Variants in CACNA2D1 observed in about 807,000 individuals in gnomAD.
The protein encoded by CACNA2D1 is calcium voltage-gated channel auxiliary subunit alpha2delta 1.
In CACNA2D1, 53 loss-of-function variants were observed where a neutral mutation model predicts 171.5. That is an observed-to-expected ratio of 0.31 (90% CI 0.25 to 0.39). CACNA2D1 has a LOEUF of 0.39. Among genes scored for constraint, CACNA2D1 ranks in the 10% least tolerant of loss-of-function variants. CACNA2D1 has a pLI of 1.00. For missense variants in CACNA2D1, 903 were observed against 1,299.8 expected, an observed-to-expected ratio of 0.69 and a Z score of 4.69; for synonymous variants, 442 against 443.1, an observed-to-expected ratio of 1.00 and a Z score of 0.03.
intron 12 of CACNA2D1, among the ~76,000 whole-genome samples, chr7:82,024,752 T>C (rs1434743536): frequency 6.6e-6 from 1 of 151,742 alleles, no homozygotes; most frequent in Non-Finnish European, 1.5e-5. Context: ...CTCCCTGTTC[T>C]CTTTCAGGAG....
chr7:82,067,199 T>G (rs1056000240), intron 7 of CACNA2D1, among the ~76,000 whole-genome samples: 10 of 152,208 alleles, frequency 6.6e-5, no homozygotes, highest in African/African-American at 2.2e-4. Context: ...CTAATTAAAT[T>G]GATACTTACT....
chr7:81,978,770 T>C (rs185462020), intron 24 of CACNA2D1, among the ~76,000 whole-genome samples: 57 of 144,014 alleles, frequency 4.0e-4, no homozygotes, highest in Middle Eastern at 3.5e-3. Context: ...TATATATATA[T>C]ACACACACAC....
At chr7:82,126,770 A>G (rs997635218) in intron 5 of CACNA2D1, among the ~76,000 whole-genome samples, 1 of 152,172 alleles carries the variant, frequency 6.6e-6, no homozygotes, top group East Asian at 1.9e-4. Context: ...TTTCCTGCAT[A>G]TAGCTACATT....
chr7:82,237,453 C>T (rs1296932510), intron 3 of CACNA2D1, among the ~76,000 whole-genome samples: 2 of 151,842 alleles, frequency 1.3e-5, no homozygotes, highest in Admixed American at 6.6e-5. Flanking sequence ...TTCCTACCTC[C>T]AATCTTCTGT....
intron 24 of CACNA2D1, among the ~76,000 whole-genome samples, chr7:81,980,475 G>C (rs1796338152): frequency 6.6e-6 from 1 of 152,064 alleles, no homozygotes; most frequent in Non-Finnish European, 1.5e-5. Flanking sequence ...AGAGTGTGGG[G>C]GACCACACTG....
chr7:81,951,972 T>TTTTTTTTTTTTTTTTGTTTTG (rs1792607166), intron 38 of CACNA2D1, among the ~76,000 whole-genome samples: 1 of 145,948 alleles, frequency 6.9e-6, no homozygotes, highest in Non-Finnish European at 1.5e-5. Context: ...ACAAAGTGTT[T>TTTTTTTTTTTTTTTTGTTTTG]TTTTTTTTTT....
chr7:82,280,175 A>G (rs1191106236), intron 3 of CACNA2D1, among the ~76,000 whole-genome samples: 1 of 152,224 alleles, frequency 6.6e-6, no homozygotes, highest in Non-Finnish European at 1.5e-5. Context: ...GTGAAAATAC[A>G]TGTTACTTGT....
chr7:82,357,560 A>T (rs1378575529), intron 1 of CACNA2D1, among the ~76,000 whole-genome samples: 1 of 152,098 alleles, frequency 6.6e-6, no homozygotes, highest in African/African-American at 2.4e-5. Context: ...AAAAAATAAT[A>T]ATGTGTGTAA....
chr7:82,067,823 C>T (rs11975855), intron 7 of CACNA2D1, among the ~76,000 whole-genome samples: 65,170 of 151,834 alleles, frequency 0.43, 14,846 homozygotes, highest in African/African-American at 0.58. Flanking sequence ...TCTGACTCTC[C>T]AAGATAGGGT....
rs140047442 is a variant in CACNA2D1, at chr7:82,362,897, T to C, written c.96-13248A>G. 8.5e-3 allele frequency among the ~76,000 whole-genome samples: 1,299 copies of C among 152,288 alleles called. 69 individuals are homozygous for C. The highest frequency in any genetic ancestry group is 0.079 in the Admixed American group (1,204 of 15,290). On this transcript the variant is annotated intron_variant, in intron 1 of 38. Coordinates refer to ENST00000356860, the MANE Select transcript of CACNA2D1 (RefSeq NM_000722.4). ...AAATTATCATGGTAATTCTCTCAAA[T>C]ACTTCCTGCAATGGGCATTCATTAC...
intron 3 of CACNA2D1, among the ~76,000 whole-genome samples, chr7:82,288,038 C>T (rs1313247559): frequency 6.9e-6 from 1 of 145,406 alleles, no homozygotes; most frequent in African/African-American, 2.7e-5. Context: ...GATGGGGTTT[C>T]ACTGTGTTAG....
intron 1 of CACNA2D1, among the ~76,000 whole-genome samples, chr7:82,389,242 T>G (rs1824805759): frequency 6.6e-6 from 1 of 150,582 alleles, no homozygotes; most frequent in African/African-American, 2.4e-5. Context: ...GATGGGAGTT[T>G]TTTTTAGTCC....
At chr7:82,024,317 C>T (rs1003855596) in intron 12 of CACNA2D1, among the ~76,000 whole-genome samples, 1 of 151,636 alleles carries the variant, frequency 6.6e-6, no homozygotes, top group Non-Finnish European at 1.5e-5. Flanking sequence ...CAACACTTGT[C>T]TTTTGTTTCT....
chr7:82,183,023 T>C (rs1797307358), intron 3 of CACNA2D1, among the ~76,000 whole-genome samples: 1 of 137,702 alleles, frequency 7.3e-6, no homozygotes, highest in East Asian at 2.2e-4. Flanking sequence ...GGCAATAGTG[T>C]GAGACTCCAT....
At chr7:82,338,525 T>C (rs1212045636) in intron 2 of CACNA2D1, among the ~76,000 whole-genome samples, 1 of 152,188 alleles carries the variant, frequency 6.6e-6, no homozygotes, top group African/African-American at 2.4e-5. Context: ...TGTAGGCAGC[T>C]ACTCTATATC....
At chr7:82,290,198 G>A (rs563488478) in intron 3 of CACNA2D1, among the ~76,000 whole-genome samples, 101 of 152,218 alleles carry the variant, frequency 6.6e-4, no homozygotes, top group African/African-American at 1.0e-3. Flanking sequence ...TGAACTAAGC[G>A]AAAGGAAGAC....
intron 3 of CACNA2D1, among the ~76,000 whole-genome samples, chr7:82,300,476 T>C (rs2129424631): frequency 6.6e-6 from 1 of 152,270 alleles, no homozygotes; most frequent in African/African-American, 2.4e-5. Context: ...GTAAAAGCCA[T>C]GAGTAATTCA....
At chr7:82,324,453 G>A (rs1157405330) in intron 3 of CACNA2D1, among the ~76,000 whole-genome samples, 3 of 151,344 alleles carry the variant, frequency 2.0e-5, no homozygotes, top group South Asian at 2.1e-4. Flanking sequence ...AAAATGTTAC[G>A]AAAATTAAAA....
chr7:82,119,689 T>C (rs1789491151), intron 5 of CACNA2D1, among the ~76,000 whole-genome samples: 1 of 152,224 alleles, frequency 6.6e-6, no homozygotes, highest in South Asian at 2.1e-4. Flanking sequence ...TACTTAACTA[T>C]TTTGCACAAT....
Sources: allele counts gnomAD v4.1 joint callset (sites outside exome capture counted in the v4.1 genomes callset), GRCh38; gene constraint gnomAD v4.1.1; transcripts MANE v1.5; gene names NCBI Gene and HGNC (gene_info 2026-07-23, HGNC 2026-07-21).